ACTR3C: variants seen among roughly 807,000 people sequenced by gnomAD.
The protein encoded by ACTR3C is actin-related protein 3C.
In ACTR3C, 18 loss-of-function variants were observed where a neutral mutation model predicts 26.3. The ratio of observed to expected loss-of-function variants is 0.68; its 90% CI spans 0.47 to 1.01. The LOEUF (loss-of-function observed/expected upper bound fraction) is 1.01, where lower values mean the gene tolerates loss of function less well. Among genes scored for constraint, ACTR3C ranks in the 50% least tolerant of loss-of-function variants. ACTR3C has a pLI of 0.00. For synonymous variants in ACTR3C, 55 were observed against 94.5 expected, an observed-to-expected ratio of 0.58 and a Z score of 2.42; for missense variants, 184 against 250.7, an observed-to-expected ratio of 0.73 and a Z score of 1.80.
At chr7:150,063,665 A>G in the ACTR3C span, among the ~76,000 whole-genome samples, 1 of 151,880 alleles carries the variant, frequency 6.6e-6, no homozygotes, top group South Asian at 2.1e-4. Flanking sequence ...AAGATCCAAC[A>G]AAACAGTATT....
the ACTR3C span, among the ~76,000 whole-genome samples, chr7:150,037,992 C>T: frequency 7.2e-6 from 1 of 139,574 alleles, no homozygotes; most frequent in Non-Finnish European, 1.6e-5. Context: ...GCAGTCCCCG[C>T]CTCGCGGGAA....
the ACTR3C span, among the ~76,000 whole-genome samples, chr7:150,116,718 ATG>A: frequency 0.011 from 1,605 of 149,178 alleles, 33 homozygotes; most frequent in African/African-American, 0.036. Context: ...CTTGTGACAC[ATG>A]TGTGTGTGTG....
the ACTR3C span, among the ~76,000 whole-genome samples, chr7:149,968,599 C>T: frequency 6.6e-6 from 1 of 152,236 alleles, no homozygotes; most frequent in South Asian, 2.1e-4. Context: ...AAGTGACCCT[C>T]CCATCTCAGC....
chr7:150,192,250 T>A, the ACTR3C span, among the ~76,000 whole-genome samples: 1 of 151,650 alleles, frequency 6.6e-6, no homozygotes, highest in African/African-American at 2.4e-5. Context: ...AGTTGAGAAG[T>A]GTTCTATCTT....
At chr7:149,989,590 T>TC in the ACTR3C span, among the ~76,000 whole-genome samples, 1 of 152,250 alleles carries the variant, frequency 6.6e-6, no homozygotes, top group Non-Finnish European at 1.5e-5. Context: ...TTCATTCATG[T>TC]TGTCACAATT....
rs550642511 is a variant in ACTR3C, at chr7:150,251,161, T to A, written c.565-2107A>T. On this transcript the variant is annotated intron_variant, in intron 6 of 7. Coordinates refer to ENST00000683684, the MANE Select transcript of ACTR3C (RefSeq NM_001164458.2). ...CCTGTCCACCATGACCAGATCAGCA[T>A]CAGATCTAGAGCAACAGTGGAAATA... Among the ~76,000 whole-genome samples the A allele has an allele frequency of 7.2e-5, 11 of 152,336 alleles. No homozygotes were observed. The East Asian group carries it at 2.1e-3, about 29-fold the overall frequency.
At chr7:150,305,710 T>A (rs1032256594) in intron 1 of ACTR3C, among the ~76,000 whole-genome samples, 2 of 152,188 alleles carry the variant, frequency 1.3e-5, no homozygotes, top group Non-Finnish European at 2.9e-5. Context: ...TAATGCAATA[T>A]TGGGGAAGAG....
At chr7:150,090,977 C>A in the ACTR3C span, among the ~76,000 whole-genome samples, 4 of 152,052 alleles carry the variant, frequency 2.6e-5, no homozygotes, top group Non-Finnish European at 5.9e-5. Context: ...CAGAGCAGAA[C>A]AAAGGGCACC....
the ACTR3C span, among the ~76,000 whole-genome samples, chr7:150,035,655 G>A: frequency 2.5e-3 from 320 of 130,380 alleles, 32 homozygotes; most frequent in Middle Eastern, 0.022. Context: ...ACTAACACTC[G>A]CAGTCCTCCA....
the ACTR3C span, among the ~76,000 whole-genome samples, chr7:150,213,121 A>G: frequency 6.6e-6 from 1 of 151,998 alleles, no homozygotes; most frequent in Non-Finnish European, 1.5e-5. Flanking sequence ...AGTAGGTGGG[A>G]GGGTCTGATT....
At chr7:150,176,252 CTCTTTT>C in the ACTR3C span, among the ~76,000 whole-genome samples, 4 of 150,822 alleles carry the variant, frequency 2.7e-5, no homozygotes. Flanking sequence ...CACATGATTT[CTCTTTT>C]TCAATTTCTT....
At chr7:150,051,143 T>C in the ACTR3C span, among the ~76,000 whole-genome samples, 7 of 148,444 alleles carry the variant, frequency 4.7e-5, 1 homozygote, top group Admixed American at 1.4e-4. Context: ...CTCGTGTGTA[T>C]GTGCATGCAC....
chr7:150,198,788 C>G, the ACTR3C span, among the ~76,000 whole-genome samples: 1 of 129,676 alleles, frequency 7.7e-6, no homozygotes, highest in Admixed American at 7.4e-5. Context: ...CCAGCCGTGC[C>G]GTCCGGGAGG....
intron 5 of ACTR3C, 34 bp downstream of exon 5, chr7:150,286,333 C>G (rs1471806753): frequency 9.3e-6 from 15 of 1,607,286 alleles, no homozygotes; most frequent in Non-Finnish European, 1.3e-5. Context: ...CGCTCCATCC[C>G]ACACTTGAGC....
At chr7:150,197,525 T>C in the ACTR3C span, among the ~76,000 whole-genome samples, 5 of 152,338 alleles carry the variant, frequency 3.3e-5, no homozygotes, top group Non-Finnish European at 7.3e-5. Flanking sequence ...GCTTTTTTTC[T>C]CCTGTTTTAA....
At chr7:150,176,161 T>G in the ACTR3C span, among the ~76,000 whole-genome samples, 1 of 150,854 alleles carries the variant, frequency 6.6e-6, no homozygotes, top group Non-Finnish European at 1.5e-5. Context: ...TTATAACAAA[T>G]TAACTTGGCA....
the ACTR3C span, among the ~76,000 whole-genome samples, chr7:149,948,813 C>T: frequency 2.0e-3 from 307 of 152,066 alleles, no homozygotes; most frequent in Non-Finnish European, 3.4e-3. Context: ...GACACCTTCA[C>T]GGTCCGCTCT....
the ACTR3C span, among the ~76,000 whole-genome samples, chr7:150,140,301 G>A: frequency 6.6e-6 from 1 of 152,108 alleles, no homozygotes; most frequent in African/African-American, 2.4e-5. Context: ...CTTGGGGTAT[G>A]GCTATTAACA....
chr7:150,250,820 G>A (rs982324612), intron 6 of ACTR3C, among the ~76,000 whole-genome samples: 1 of 152,032 alleles, frequency 6.6e-6, no homozygotes, highest in Non-Finnish European at 1.5e-5. Context: ...TTGAGATGCC[G>A]ATTAAGCATC....
Sources: gnomAD v4.1 joint callset for allele counts (sites outside exome capture counted in the v4.1 genomes callset) on GRCh38, gnomAD v4.1.1 for gene constraint, MANE v1.5 for transcripts, NCBI Gene and HGNC (gene_info 2026-07-23, HGNC 2026-07-21) for gene names.